CRPPA: variants seen among roughly 807,000 people sequenced by gnomAD.
CRPPA encodes CDP-L-ribitol pyrophosphorylase A, also known as D-ribitol-5-phosphate cytidylyltransferase.
In CRPPA, 43 loss-of-function variants were observed where a neutral mutation model predicts 52.0. The observed-to-expected ratio is 0.83, with a 90% CI of 0.65 to 1.07. The LOEUF is 1.07. CRPPA is among the 50% of genes least tolerant of loss of function. The pLI, the probability that CRPPA is intolerant of heterozygous loss-of-function variation, is 0.00. For missense variants in CRPPA, 629 were observed against 551.7 expected (o/e 1.14, Z -1.40); for synonymous variants, 250 against 203.5 (o/e 1.23, Z -1.94).
At chr7:16,272,189 G>A (rs946174938) in intron 6 of CRPPA, among the ~76,000 whole-genome samples, 5 of 152,118 alleles carry the variant, frequency 3.3e-5, no homozygotes, top group Non-Finnish European at 7.4e-5. Flanking sequence ...GCAAAGCCTT[G>A]TCCTTTAAGA....
At chr7:16,378,698 A>C (rs1316985355) in intron 2 of CRPPA, among the ~76,000 whole-genome samples, 2 of 150,234 alleles carry the variant, frequency 1.3e-5, no homozygotes, top group South Asian at 2.1e-4. Context: ...TGACTTCCAC[A>C]ATGGTTGAAC....
intron 9 of CRPPA, among the ~76,000 whole-genome samples, chr7:16,163,686 C>T (rs905808271): frequency 6.6e-6 from 1 of 152,156 alleles, no homozygotes; most frequent in African/African-American, 2.4e-5. Context: ...GTGCTTCCTT[C>T]AGGAGCTCTT....
In CRPPA at chr7:16,306,188, T is replaced by C. The variant is rs545802384; in HGVS notation, c.789+2335A>G. Among the ~76,000 whole-genome samples, 3 of 152,296 alleles carry C rather than the reference T, an allele frequency of 2.0e-5. No homozygotes were observed. The East Asian group carries it at 5.8e-4, about 30-fold the overall frequency. ...GACCTCGTCTTCACTTGATTACATC[T>C]GCAAAGACACTATTTCCAAATAAGG... On this transcript the variant is annotated intron_variant, in intron 4 of 9. Coordinates refer to ENST00000407010, the MANE Select transcript of CRPPA (RefSeq NM_001101426.4).
intron 8 of CRPPA, among the ~76,000 whole-genome samples, chr7:16,228,752 AGT>A (rs1329144664): frequency 6.6e-6 from 1 of 151,958 alleles, no homozygotes; most frequent in Non-Finnish European, 1.5e-5. Context: ...AGTTGAGAAG[AGT>A]GTGTACTCCT....
chr7:16,140,455 G>A (rs1036767834), intron 9 of CRPPA, among the ~76,000 whole-genome samples: 2 of 152,152 alleles, frequency 1.3e-5, no homozygotes, highest in African/African-American at 4.8e-5. Flanking sequence ...GTGACCCACT[G>A]CGCCCAGTCC....
chr7:16,232,668 A>G (rs1782832735), intron 8 of CRPPA, among the ~76,000 whole-genome samples: 1 of 152,180 alleles, frequency 6.6e-6, no homozygotes, highest in African/African-American at 2.4e-5. Context: ...AATTATCTCT[A>G]CACTAAATAT....
At chr7:16,343,975 A>T (rs1309916321) in intron 3 of CRPPA, among the ~76,000 whole-genome samples, 1 of 152,214 alleles carries the variant, frequency 6.6e-6, no homozygotes, top group Non-Finnish European at 1.5e-5. Flanking sequence ...CTGTCTAACC[A>T]ATGGCTGACC....
In CRPPA at chr7:16,149,993, A is replaced by AG. The variant is rs1554278506; in HGVS notation, c.1252-58195_1252-58194insC. On this transcript the variant is annotated intron_variant, in intron 9 of 9. Transcript: ENST00000407010. The stretch of plus-strand genomic sequence containing the variant: ...ACAGCGAGAGTCATTAAAAAAAAAA[A>AG]AGAGAGAGAAAAGAAAAAAAGAAAC... Among the ~76,000 whole-genome samples, 10 of 151,908 alleles carry AG rather than the reference A, an allele frequency of 6.6e-5. No individual in the cohort carries two copies. The South Asian group carries it at 8.3e-4, about 13-fold the overall frequency.
At chr7:16,369,080 T>A (rs1221625041) in intron 3 of CRPPA, among the ~76,000 whole-genome samples, 2 of 152,184 alleles carry the variant, frequency 1.3e-5, no homozygotes, top group Non-Finnish European at 2.9e-5. Context: ...AAAGTCCCTG[T>A]GTAGCAGGAA....
chr7:16,414,239 T>C (rs1350803993), intron 1 of CRPPA, among the ~76,000 whole-genome samples: 1 of 152,038 alleles, frequency 6.6e-6, no homozygotes, highest in Non-Finnish European at 1.5e-5. Context: ...ACCCAACTCA[T>C]CACCAAGTCT....
At chr7:16,176,525 C>T (rs1447948693) in intron 9 of CRPPA, among the ~76,000 whole-genome samples, 1 of 152,098 alleles carries the variant, frequency 6.6e-6, no homozygotes, top group Non-Finnish European at 1.5e-5. Flanking sequence ...ATAGTAAGTG[C>T]TATTGTAGGC....
At chr7:16,378,631 T>C (rs1786976089) in intron 2 of CRPPA, among the ~76,000 whole-genome samples, 1 of 151,894 alleles carries the variant, frequency 6.6e-6, no homozygotes, top group Non-Finnish European at 1.5e-5. Context: ...TACCCAGTAA[T>C]GGGATGGCTG....
chr7:16,412,344 GT>G (rs2128319471), intron 1 of CRPPA, among the ~76,000 whole-genome samples: 1 of 152,294 alleles, frequency 6.6e-6, no homozygotes, highest in African/African-American at 2.4e-5. Context: ...GAGATAGGTT[GT>G]TTGCATGAAT....
chr7:16,201,057 C>T (rs1781841189), intron 9 of CRPPA, among the ~76,000 whole-genome samples: 1 of 151,878 alleles, frequency 6.6e-6, no homozygotes, highest in Non-Finnish European at 1.5e-5. Flanking sequence ...AACTTCACTG[C>T]AAGGAAAATA....
intron 9 of CRPPA, among the ~76,000 whole-genome samples, chr7:16,094,570 A>AGTGTGT (rs3083129): frequency 1.3e-5 from 2 of 150,608 alleles, no homozygotes; most frequent in Admixed American, 6.6e-5. Flanking sequence ...CACATACATA[A>AGTGTGT]GTGTGTGTGT....
At chr7:16,236,948 G>GTGCA (rs1554295991) in intron 8 of CRPPA, among the ~76,000 whole-genome samples, 18 of 140,944 alleles carry the variant, frequency 1.3e-4, no homozygotes, top group African/African-American at 5.2e-4. Flanking sequence ...TTTCGTGCGC[G>GTGCA]CGCACACACA....
At chr7:16,266,903 T>A (rs1441877027) in intron 6 of CRPPA, among the ~76,000 whole-genome samples, 1 of 152,168 alleles carries the variant, frequency 6.6e-6, no homozygotes, top group African/African-American at 2.4e-5. Context: ...AGACAGTGTG[T>A]AGTAGATGGG....
At chr7:16,389,665 T>C (rs967808673) in intron 2 of CRPPA, among the ~76,000 whole-genome samples, 6 of 151,914 alleles carry the variant, frequency 3.9e-5, no homozygotes, top group African/African-American at 1.5e-4. Flanking sequence ...GGTAAAATAC[T>C]GAGTGTTTTC....
intron 3 of CRPPA, among the ~76,000 whole-genome samples, chr7:16,320,213 A>G (rs1785230784): frequency 1.3e-5 from 2 of 152,168 alleles, no homozygotes; most frequent in South Asian, 4.1e-4. Flanking sequence ...CCCAGAAACA[A>G]GAGAGAAACA....
Sources: allele counts gnomAD v4.1 joint callset (sites outside exome capture counted in the v4.1 genomes callset), GRCh38; gene constraint gnomAD v4.1.1; transcripts MANE v1.5; gene names NCBI Gene and HGNC (gene_info 2026-07-23, HGNC 2026-07-21).